The following JARID2 variants were observed in gnomAD, a reference collection of about 807,000 sequenced individuals.
The protein encoded by JARID2 is protein Jumonji.
Under a neutral mutation model 125.6 loss-of-function variants are expected in JARID2, and 21 were observed. That is an observed-to-expected ratio of 0.17 (90% CI 0.12 to 0.24). JARID2 has a LOEUF of 0.24. Among genes scored for constraint, JARID2 ranks in the 10% least tolerant of loss-of-function variants. The probability of loss-of-function intolerance (pLI) is 1.00; values close to 1 mark genes in which losing one functional copy is unlikely to be tolerated. For missense variants in JARID2, 1,303 were observed against 1,639.6 expected (o/e 0.79, Z 3.55); for synonymous variants, 736 against 661.6 (o/e 1.11, Z -1.73).
chr6:15,372,454 G>C (rs771761083), intron 1 of JARID2, among the ~76,000 whole-genome samples: 1 of 152,042 alleles, frequency 6.6e-6, no homozygotes, highest in Non-Finnish European at 1.5e-5. Context: ...CGCCTCCCCA[G>C]GTTCAAGTGA....
At position 15,246,250 on chromosome 6, in the gene JARID2, T is replaced by TTGTG; in HGVS notation, c.-280_-277dup. ...GGGAGTGAAGGGCGTCGGTTTTTTT[T>TTGTG]TGTGTGTGTGTGTATGTGTTTCGGG... On this transcript the variant is annotated 5_prime_UTR_variant, in exon 1 of 18. Coordinates refer to ENST00000341776, the MANE Select transcript of JARID2 (RefSeq NM_004973.4). The TTGTG allele has an allele frequency of 2.2e-6, 1 of 464,806 alleles. No individual in the cohort carries two copies. The highest frequency in any genetic ancestry group is 4.2e-5 in the South Asian group (1 of 23,826). 28.8% of individuals were successfully genotyped at this position (464,806 alleles called of 1,614,324 possible).
intron 3 of JARID2, among the ~76,000 whole-genome samples, chr6:15,429,608 G>A: frequency 6.6e-6 from 1 of 152,132 alleles, no homozygotes; most frequent in East Asian, 1.9e-4. Flanking sequence ...ACATTTCAGA[G>A]GCAAATACTC....
At chr6:15,503,189 C>T (rs1186017220) in intron 8 of JARID2, among the ~76,000 whole-genome samples, 4 of 152,242 alleles carry the variant, frequency 2.6e-5, no homozygotes, top group African/African-American at 9.6e-5. Flanking sequence ...ACGCAACTCT[C>T]TGTGGCACCG....
chr6:15,315,543 A>G (rs1762150970), intron 1 of JARID2, among the ~76,000 whole-genome samples: 1 of 152,190 alleles, frequency 6.6e-6, no homozygotes, highest in African/African-American at 2.4e-5. Context: ...GAAAACTTAC[A>G]TATTTAGAAG....
intron 2 of JARID2, among the ~76,000 whole-genome samples, chr6:15,392,115 C>A (rs1367326093): frequency 2.7e-5 from 4 of 150,020 alleles, no homozygotes; most frequent in African/African-American, 9.9e-5. Flanking sequence ...TCCAACTTGG[C>A]CTAGGTTTTA....
rs1384531305 is a variant in JARID2 at position 15,410,615 on chromosome 6, G to C, written c.323+250G>C. Among the ~76,000 whole-genome samples the C allele has an allele frequency of 8.5e-5, 13 of 152,318 alleles. No homozygotes were observed. The East Asian group carries it at 2.3e-3, about 27-fold the overall frequency. The stretch of plus-strand genomic sequence containing the variant: ...TCCTGCTGGAACAGTTAGCCAAAGA[G>C]TTGCCAGCTTGTAATGCCTGTCTTA... On this transcript the variant is annotated intron_variant, in intron 3 of 17. Coordinates refer to ENST00000341776, the MANE Select transcript of JARID2 (RefSeq NM_004973.4).
chr6:15,443,908 A>G (rs962973815), intron 3 of JARID2, among the ~76,000 whole-genome samples: 1 of 152,228 alleles, frequency 6.6e-6, no homozygotes, highest in Non-Finnish European at 1.5e-5. Context: ...GCAAAACATC[A>G]TAATGTTTCA....
At chr6:15,300,929 C>CT (rs1364459846) in intron 1 of JARID2, among the ~76,000 whole-genome samples, 3 of 152,082 alleles carry the variant, frequency 2.0e-5, no homozygotes, top group African/African-American at 4.8e-5. Context: ...TACCCACACT[C>CT]TATCAGTGGT....
intron 1 of JARID2, among the ~76,000 whole-genome samples, chr6:15,335,216 C>G (rs1017756327): frequency 3.3e-5 from 5 of 152,340 alleles, no homozygotes; most frequent in African/African-American, 1.2e-4. Flanking sequence ...TCTCATGCCT[C>G]AGCCTCCCAA....
At chr6:15,458,305 A>G (rs531261886) in intron 4 of JARID2, among the ~76,000 whole-genome samples, 11 of 152,274 alleles carry the variant, frequency 7.2e-5, no homozygotes, top group Middle Eastern at 3.4e-3. Context: ...AAACAAGGGG[A>G]TTCCCAAAGG....
chr6:15,487,325 G>T lies in JARID2; in HGVS notation c.689G>T (p.Arg230Met). ...HNGHVFNGSS[R>M]STREKEPVQK... ...TTTCTAGTTTTCAATGGTTCCAGCA[G>T]GTCAACACGGGAGAAGGAACCTGTT... is the stretch of plus-strand genomic sequence containing the variant. The change falls in exon 6 of 18, where the codon AGG (arginine) becomes ATG (methionine). Residue 230 changes from arginine (R) to methionine (M), a missense_variant. Transcript: ENST00000341776. 6.2e-7 allele frequency: 1 copy of T among 1,614,074 alleles called. No homozygotes were observed. The highest frequency in any genetic ancestry group is 1.1e-5 in the South Asian group (1 of 91,078).
chr6:15,392,929 C>CCGACCT (rs1765079538), intron 2 of JARID2, among the ~76,000 whole-genome samples: 1 of 152,136 alleles, frequency 6.6e-6, no homozygotes, highest in Non-Finnish European at 1.5e-5. Context: ...AAGTGATCTG[C>CCGACCT]CAACCTCTGC....
intron 1 of JARID2, among the ~76,000 whole-genome samples, chr6:15,350,730 GTTTTTT>G (rs538674872): frequency 7.7e-6 from 1 of 130,418 alleles, no homozygotes; most frequent in Non-Finnish European, 1.6e-5. Flanking sequence ...ATAGTTTAAG[GTTTTTT>G]TTTTTTTTTT....
intron 1 of JARID2, among the ~76,000 whole-genome samples, chr6:15,274,529 T>C (rs1398901397): frequency 6.6e-6 from 1 of 152,236 alleles, no homozygotes; most frequent in Non-Finnish European, 1.5e-5. Flanking sequence ...CATTTGCAGA[T>C]CCAAATTTAT....
At chr6:15,346,431 A>C (rs1763246741) in intron 1 of JARID2, among the ~76,000 whole-genome samples, 1 of 152,008 alleles carries the variant, frequency 6.6e-6, no homozygotes, top group Non-Finnish European at 1.5e-5. Context: ...AAATGTTTGT[A>C]CCCCTTTTAA....
At chr6:15,366,239 A>G (rs1763969050) in intron 1 of JARID2, among the ~76,000 whole-genome samples, 1 of 152,178 alleles carries the variant, frequency 6.6e-6, no homozygotes, top group African/African-American at 2.4e-5. Flanking sequence ...GCATTCATGT[A>G]CAGGATTCCA....
intron 6 of JARID2, 72 bp downstream of exon 6, chr6:15,487,614 T>G (rs1769942894): frequency 7.6e-7 from 1 of 1,322,938 alleles, no homozygotes; most frequent in Non-Finnish European, 1.0e-6. Flanking sequence ...AAGCTAAAAA[T>G]TCATCTTCAG....
At chr6:15,327,876 TCCCCCA>T (rs1440342006) in intron 1 of JARID2, among the ~76,000 whole-genome samples, 6 of 152,266 alleles carry the variant, frequency 3.9e-5, no homozygotes, top group Admixed American at 1.3e-4. Flanking sequence ...GCGTTTTTCA[TCCCCCA>T]CTTAGATGCA....
At chr6:15,283,060 G>C (rs903715917) in intron 1 of JARID2, among the ~76,000 whole-genome samples, 8 of 151,344 alleles carry the variant, frequency 5.3e-5, no homozygotes, top group Non-Finnish European at 1.0e-4. Context: ...CTCACTGTAA[G>C]CTCTGCCTCC....
Sources: allele counts gnomAD v4.1 joint callset (sites outside exome capture counted in the v4.1 genomes callset), GRCh38; gene constraint gnomAD v4.1.1; transcripts MANE v1.5; gene names NCBI Gene and HGNC (gene_info 2026-07-23, HGNC 2026-07-21).